SGCZ: variants seen among roughly 807,000 people sequenced by gnomAD.
SGCZ encodes the protein zeta-sarcoglycan.
SGCZ carries 40 observed loss-of-function variants against 41.3 expected under a neutral mutation model. The observed-to-expected ratio is 0.97, with a 90% CI of 0.75 to 1.26. The LOEUF (loss-of-function observed/expected upper bound fraction) is 1.26, where lower values mean the gene tolerates loss of function less well. Among genes scored for constraint, SGCZ ranks in the 50% most tolerant of loss-of-function variants. The probability of loss-of-function intolerance (pLI) is 0.00; values close to 1 mark genes in which losing one functional copy is unlikely to be tolerated. For synonymous variants in SGCZ, 206 were observed against 137.5 expected (o/e 1.50, Z -3.49); for missense variants, 552 against 369.8 (o/e 1.49, Z -4.04).
At chr8:14,480,492 G>A (rs140404774) in intron 2 of SGCZ, among the ~76,000 whole-genome samples, 1 of 152,102 alleles carries the variant, frequency 6.6e-6, no homozygotes, top group East Asian at 1.9e-4. Context: ...CACACCAACA[G>A]TACTTAAATC....
At chr8:14,970,723 T>A (rs1801264555) in intron 1 of SGCZ, among the ~76,000 whole-genome samples, 2 of 152,180 alleles carry the variant, frequency 1.3e-5, no homozygotes, top group South Asian at 2.1e-4. Context: ...AGTCTTGATA[T>A]CAGAGAGTCT....
intron 2 of SGCZ, among the ~76,000 whole-genome samples, chr8:14,447,122 T>C (rs1345536271): frequency 6.6e-6 from 1 of 152,156 alleles, no homozygotes; most frequent in Admixed American, 6.6e-5. Context: ...AACACCAACC[T>C]TCTACAATAG....
intron 1 of SGCZ, among the ~76,000 whole-genome samples, chr8:15,003,445 G>A (rs965655827): frequency 5.9e-5 from 9 of 152,180 alleles, no homozygotes; most frequent in East Asian, 1.9e-4. Context: ...TGATAGTTAC[G>A]AAATTATACA....
At chr8:14,189,272 T>C (rs1805014671) in intron 4 of SGCZ, among the ~76,000 whole-genome samples, 1 of 152,146 alleles carries the variant, frequency 6.6e-6, no homozygotes, top group Non-Finnish European at 1.5e-5. Flanking sequence ...CCAATATATC[T>C]TCTTCACACA....
At chr8:14,291,250 G>A (rs7845236) in intron 3 of SGCZ, among the ~76,000 whole-genome samples, 114,319 of 151,864 alleles carry the variant, frequency 0.75, 43,483 homozygotes, top group Non-Finnish European at 0.8. Context: ...AGGTTAAAGA[G>A]AGTTAACAAT....
intron 1 of SGCZ, among the ~76,000 whole-genome samples, chr8:15,113,273 G>T (rs1807140689): frequency 1.3e-5 from 2 of 151,148 alleles, no homozygotes; most frequent in African/African-American, 4.9e-5. Flanking sequence ...TAATTCTAAA[G>T]ATAAATTAAA....
intron 4 of SGCZ, among the ~76,000 whole-genome samples, chr8:14,204,280 G>GTT (rs11384632): frequency 0.013 from 1,896 of 146,246 alleles, 16 homozygotes; most frequent in South Asian, 0.04. Flanking sequence ...CACTCTGAAT[G>GTT]TTTTTTTTTT....
intron 2 of SGCZ, among the ~76,000 whole-genome samples, chr8:14,420,173 C>G (rs1237578209): frequency 6.6e-6 from 1 of 151,882 alleles, no homozygotes; most frequent in Non-Finnish European, 1.5e-5. Flanking sequence ...CTGTTTTTTA[C>G]CCTATATTAC....
chr8:14,285,579 T>C (rs897706436), intron 3 of SGCZ, among the ~76,000 whole-genome samples: 4 of 21,454 alleles, frequency 1.9e-4, no homozygotes, highest in African/African-American at 3.9e-4. Context: ...TTGATTTTTA[T>C]GTGTTAAAAA....
chr8:14,167,529 G>A (rs933045235), intron 4 of SGCZ, among the ~76,000 whole-genome samples: 1 of 151,928 alleles, frequency 6.6e-6, no homozygotes, highest in African/African-American at 2.4e-5. Flanking sequence ...CTCTGAGAAA[G>A]TTTATGTCAA....
chr8:15,130,479 A>G (rs1050407071), intron 1 of SGCZ, among the ~76,000 whole-genome samples: 5 of 152,346 alleles, frequency 3.3e-5, no homozygotes, highest in Non-Finnish European at 7.3e-5. Context: ...GAAATGTTCT[A>G]TATCCACAGT....
intron 1 of SGCZ, among the ~76,000 whole-genome samples, chr8:14,867,518 G>A (rs894268579): frequency 6.6e-6 from 1 of 151,646 alleles, no homozygotes; most frequent in Non-Finnish European, 1.5e-5. Context: ...GGTCTTTGAG[G>A]AATTGCCACT....
intron 1 of SGCZ, among the ~76,000 whole-genome samples, chr8:14,570,217 C>A (rs1198342852): frequency 6.6e-6 from 1 of 152,122 alleles, no homozygotes; most frequent in Non-Finnish European, 1.5e-5. Flanking sequence ...ACTGAATAAA[C>A]AAATGACTTT....
At chr8:14,257,355 A>G (rs1274094799) in intron 3 of SGCZ, among the ~76,000 whole-genome samples, 1 of 124,674 alleles carries the variant, frequency 8.0e-6, no homozygotes, top group Non-Finnish European at 2.0e-5. Flanking sequence ...TCCAGAAAAA[A>G]AAAAGAAGAA....
chr8:15,232,916 T>C (rs916246028), intron 1 of SGCZ, among the ~76,000 whole-genome samples: 5 of 151,516 alleles, frequency 3.3e-5, no homozygotes, highest in Non-Finnish European at 7.4e-5. Context: ...TTTTCCACAT[T>C]ATAGATGTAT....
chr8:14,095,224 GC>G (rs1312849524), intron 7 of SGCZ, among the ~76,000 whole-genome samples: 6 of 152,118 alleles, frequency 3.9e-5, no homozygotes, highest in Non-Finnish European at 7.4e-5. Context: ...GAATGGCATT[GC>G]CTAAGTTTTC....
intron 2 of SGCZ, among the ~76,000 whole-genome samples, chr8:14,378,738 T>A (rs149540344): frequency 0.019 from 2,914 of 152,238 alleles, 77 homozygotes; most frequent in African/African-American, 0.055. Flanking sequence ...ACTTGTGGGA[T>A]CTGACACTAA....
intron 1 of SGCZ, among the ~76,000 whole-genome samples, chr8:14,692,760 G>A (rs1463934789): frequency 2.6e-5 from 4 of 152,100 alleles, no homozygotes; most frequent in Non-Finnish European, 5.9e-5. Context: ...CACCTAAATT[G>A]TATCTTTCGG....
chr8:14,287,338 T>A (rs1403013250), intron 3 of SGCZ, among the ~76,000 whole-genome samples: 2 of 151,974 alleles, frequency 1.3e-5, no homozygotes, highest in Admixed American at 1.3e-4. Flanking sequence ...AAGTTGAACA[T>A]AATTTAATTA....
Sources: gnomAD v4.1 joint callset for allele counts (sites outside exome capture counted in the v4.1 genomes callset) on GRCh38, gnomAD v4.1.1 for gene constraint, MANE v1.5 for transcripts, NCBI Gene and HGNC (gene_info 2026-07-23, HGNC 2026-07-21) for gene names.